The following SNIP1 variants were observed in gnomAD, a reference collection of about 807,000 sequenced individuals.
SNIP1 encodes smad nuclear-interacting protein 1.
A neutral mutation model predicts 37.4 loss-of-function variants in SNIP1; 23 were observed. The ratio of observed to expected loss-of-function variants is 0.61; its 90% confidence interval spans 0.44 to 0.87. SNIP1 has a LOEUF of 0.87. Ranked by LOEUF, SNIP1 falls within the 40% of genes least tolerant of loss-of-function variation. The pLI, the probability that SNIP1 is intolerant of heterozygous loss-of-function variation, is 0.00. For missense variants in SNIP1, 459 were observed against 540.4 expected (o/e 0.85, Z 1.49); for synonymous variants, 174 against 200.0 (o/e 0.87, Z 1.10).
chr1:37,552,561 C>T, intron 2 of SNIP1, 84 bp downstream of exon 2: 1 of 1,170,470 alleles, frequency 8.5e-7, no homozygotes, highest in East Asian at 2.3e-5. Context: ...TGTGCACACA[C>T]ACAACACACA....
In SNIP1 at chr1:37,537,995, C is replaced by A; in HGVS notation, c.944G>T (p.Arg315Leu). 1 of 1,605,920 alleles carries A rather than the reference C, an allele frequency of 6.2e-7. No individual in the cohort carries two copies. The highest frequency in any genetic ancestry group is 8.5e-7 in the Non-Finnish European group (1 of 1,176,326). ...TCTTCGGCCAACTGTGCCATCAGCACGGGTATATTCCACAAGCCTAGCAGA... is the reference window on the plus strand; with the variant it reads ...TCTTCGGCCAACTGTGCCATCAGCAAGGGTATATTCCACAAGCCTAGCAGA... The part of the protein sequence containing the change: ...VFQYRLVEYT[R>L]ADGTVGRRVK... Residue 315 changes from arginine (R) to leucine (L), a missense_variant, in exon 4 of 4, where the codon CGT becomes CTT. Physicochemically the swap from Arg to Leu is moderately radical, Grantham distance 102. Transcript: ENST00000296215.
chr1:37,538,057 G>C (rs765447737), intron 3 of SNIP1, 45 bp from the exon 4 acceptor site: 2 of 1,541,194 alleles, frequency 1.3e-6, no homozygotes, highest in African/African-American at 1.4e-5. Context: ...TTCTGCCTCA[G>C]ATCATCCAGC....
intron 3 of SNIP1, among the ~76,000 whole-genome samples, chr1:37,538,901 C>G (rs1021290959): frequency 1.6e-4 from 25 of 152,054 alleles, no homozygotes; most frequent in Non-Finnish European, 4.4e-5. Context: ...TCAGCTGCTC[C>G]CCATCACTTG....
At chr1:37,549,959 G>T (rs1439824698) in intron 2 of SNIP1, among the ~76,000 whole-genome samples, 5 of 152,018 alleles carry the variant, frequency 3.3e-5, no homozygotes, top group East Asian at 1.9e-4. Flanking sequence ...ACTGATTTTT[G>T]ACAAAAGAGC....
rs150740046 is a variant in SNIP1, at chr1:37,540,157, C to T, written c.926G>A (p.Arg309Gln). 1.3e-6 allele frequency: 2 copies of T among 1,573,374 alleles called. No individual in the cohort carries two copies. Among genetic ancestry groups the T allele is most frequent in the Non-Finnish European group, 8.7e-7 (1 of 1,154,456 alleles). Residue 309 changes from arginine (R) to glutamine (Q), a missense_variant and splice_region_variant, in exon 3 of 4, where the codon CGG (arginine) becomes CAG (glutamine). Transcript: ENST00000296215. The surrounding 1 kb of genome is among the most constrained non-coding windows in gnomAD (Gnocchi z 5.6). The part of the protein sequence containing the change: ...CSKQHAVFQY[R>Q]LVEYTRADGT... ...CAGTTTCTTCCTCCATGTTACTTAC[C>T]GATATTGAAAGACCGCATGCTGCTT...
At chr1:37,552,553 T>C in intron 2 of SNIP1, 92 bp downstream of exon 2, 1 of 1,091,440 alleles carries the variant, frequency 9.2e-7, no homozygotes, top group Non-Finnish European at 1.4e-6. Context: ...TGCACATGTG[T>C]GCACACACAC....
At chr1:37,543,915 G>A (rs1488607499) in intron 2 of SNIP1, among the ~76,000 whole-genome samples, 1 of 151,006 alleles carries the variant, frequency 6.6e-6, no homozygotes, top group African/African-American at 2.4e-5. Context: ...GCAAGGGGGG[G>A]GGCAGGTCAC....
At chr1:37,539,603 G>A (rs180718940) in intron 3 of SNIP1, among the ~76,000 whole-genome samples, 71 of 152,252 alleles carry the variant, frequency 4.7e-4, no homozygotes, top group African/African-American at 1.5e-3. Context: ...TCAGCTGCTC[G>A]GGAGGCTGAG....
At chr1:37,544,399 T>C (rs1643205853) in intron 2 of SNIP1, among the ~76,000 whole-genome samples, 1 of 135,210 alleles carries the variant, frequency 7.4e-6, no homozygotes, top group Non-Finnish European at 1.5e-5. Context: ...TGAGCCGAGA[T>C]CACGCCACTG....
Position 37,537,978 on chromosome 1 carries a change from C to T in SNIP1, c.961G>A (p.Gly321Ser), listed in dbSNP as rs1163310259. 6 of 1,613,516 alleles carry T rather than the reference C, an allele frequency of 3.7e-6. No homozygotes were observed. Among genetic ancestry groups the T allele is most frequent in the African/African-American group, 2.7e-5 (2 of 74,852 alleles). ...ATGATGTAGGGCTTCACTCTTCGGC[C>T]AACTGTGCCATCAGCACGGGTATAT... Reference protein sequence around the residue: ...VEYTRADGTVGRRVKPYIIDL... With the variant: ...VEYTRADGTVSRRVKPYIIDL... The change falls in exon 4 of 4, where the codon GGC becomes AGC. Residue 321 changes from glycine to serine, a missense_variant. Coordinates refer to ENST00000296215, the MANE Select transcript of SNIP1 (RefSeq NM_024700.4).
In SNIP1 at chr1:37,537,028, C is replaced by T. The variant is rs1395957087; in HGVS notation, c.*720G>A. The T allele has an allele frequency of 2.0e-5, 3 of 152,326 alleles. 1 individual carries two copies. Among genetic ancestry groups the T allele is most frequent in the South Asian group, 4.1e-4 (2 of 4,824 alleles). The allele number at this position is 152,326 out of a possible 1,614,324, so 9.4% of individuals were successfully genotyped here. Reference sequence around the variant, plus strand: ...TCCATGGAGAAATCAGGAATTCTTTCACAAAGAACAGATCCACAGCCAATT... The same window carrying T: ...TCCATGGAGAAATCAGGAATTCTTTTACAAAGAACAGATCCACAGCCAATT... On this transcript the variant is annotated 3_prime_UTR_variant, in exon 4 of 4. Transcript: ENST00000296215.
At chr1:37,543,591 T>C (rs985038154) in intron 2 of SNIP1, among the ~76,000 whole-genome samples, 2 of 152,030 alleles carry the variant, frequency 1.3e-5, no homozygotes, top group Non-Finnish European at 2.9e-5. Flanking sequence ...AGACCACATA[T>C]TTCTATATAT....
chr1:37,539,790 C>A (rs921815665), intron 3 of SNIP1, among the ~76,000 whole-genome samples: 3 of 152,086 alleles, frequency 2.0e-5, no homozygotes, highest in African/African-American at 7.2e-5. Flanking sequence ...CTATCAAGAT[C>A]CAGTTTCAAA....
chr1:37,551,455 C>T (rs1437107533), intron 2 of SNIP1, among the ~76,000 whole-genome samples: 2 of 152,106 alleles, frequency 1.3e-5, no homozygotes, highest in Non-Finnish European at 2.9e-5. Flanking sequence ...AAATTGTACC[C>T]TCCAAAATTA....
At chr1:37,544,254 G>A (rs1013247962) in intron 2 of SNIP1, among the ~76,000 whole-genome samples, 2 of 151,782 alleles carry the variant, frequency 1.3e-5, no homozygotes, top group Non-Finnish European at 2.9e-5. Context: ...AGACCAGCCT[G>A]GCCAAGATGG....
In SNIP1 at chr1:37,535,243, T is replaced by TATATATATATATATATA. The variant is rs1264980418; in HGVS notation, c.*2504_*2505insTATATATATATATATAT. On this transcript the variant is annotated 3_prime_UTR_variant, in exon 4 of 4. Coordinates refer to ENST00000296215, the MANE Select transcript of SNIP1 (RefSeq NM_024700.4). ...AAAAAATAAAAATTATATATATAAATTAGCCAGGCTTGGTGACAGGTGCCT... is the reference window on the plus strand; with the variant it reads ...AAAAAATAAAAATTATATATATAAATATATATATATATATATATAGCCAGGCTTGGTGACAGGTGCCT... The TATATATATATATATATA allele has an allele frequency of 1.6e-4, 21 of 134,484 alleles. No individual in the cohort carries two copies. The highest frequency in any genetic ancestry group is 2.4e-4 in the South Asian group (1 of 4,128). The allele number at this position is 134,484 out of a possible 1,614,324, so 8.3% of individuals were successfully genotyped here. A position where few individuals can be genotyped will look rare whatever the true frequency, so the allele number is the denominator to read the frequency against.
In SNIP1 at chr1:37,540,854, T is replaced by C; in HGVS notation, c.328-99A>G. On this transcript the variant is annotated intron_variant, in intron 2 of 3. Transcript: ENST00000296215. The surrounding 1 kb of genome is among the most constrained non-coding windows in gnomAD (Gnocchi z 5.6). ...AACGAAGTGCATGCAAAAAGTCTTG[T>C]AATTTGGACTTTGGCATTTAGAACA... is the stretch of plus-strand genomic sequence containing the variant. 8.4e-7 allele frequency: 1 copy of C among 1,183,798 alleles called. No individual in the cohort carries two copies. The highest frequency in any genetic ancestry group is 1.2e-6 in the Non-Finnish European group (1 of 850,738). The allele number at this position is 1,183,798 out of a possible 1,614,324, so 73.3% of individuals were successfully genotyped here. A position where few individuals can be genotyped will look rare whatever the true frequency, so the allele number is the denominator to read the frequency against.
chr1:37,544,338 T>C (rs186015123), intron 2 of SNIP1, among the ~76,000 whole-genome samples: 125 of 144,134 alleles, frequency 8.7e-4, no homozygotes, highest in African/African-American at 3.1e-3. Context: ...CCCAGCTACT[T>C]GGGAGGCTGA....
At chr1:37,545,912 A>G (rs1330760166) in intron 2 of SNIP1, among the ~76,000 whole-genome samples, 2 of 152,218 alleles carry the variant, frequency 1.3e-5, no homozygotes, top group Non-Finnish European at 2.9e-5. Context: ...AAAGATGTGG[A>G]AAAATCAGAA....
Sources: gnomAD v4.1 joint callset for allele counts (sites outside exome capture counted in the v4.1 genomes callset) on GRCh38, gnomAD v4.1.1 for gene constraint, Gnocchi (gnomAD v3.1) non-coding constraint, MANE v1.5 for transcripts, NCBI Gene and HGNC (gene_info 2026-07-23, HGNC 2026-07-21) for gene names.